Variants in WDFY2 observed in about 807,000 individuals in gnomAD.
The protein encoded by WDFY2 is WD repeat and FYVE domain containing 2.
Under a neutral mutation model 56.4 loss-of-function variants are expected in WDFY2, and 36 were observed. That is an observed-to-expected ratio of 0.64 (90% CI 0.49 to 0.84). The LOEUF is 0.84. Ranked by LOEUF, WDFY2 falls within the 40% of genes least tolerant of loss-of-function variation. The pLI is 0.00. For missense variants in WDFY2, 444 were observed against 512.2 expected (o/e 0.87, Z 1.29); for synonymous variants, 176 against 183.7 (o/e 0.96, Z 0.34).
intron 8 of WDFY2, among the ~76,000 whole-genome samples, chr13:51,753,748 G>GGTGTGTGTGT (rs553968555): frequency 6.6e-6 from 1 of 151,044 alleles, no homozygotes; most frequent in African/African-American, 2.4e-5. Flanking sequence ...CCTTATAAAA[G>GGTGTGTGTGT]GTGTGTGTGT....
intron 4 of WDFY2, among the ~76,000 whole-genome samples, chr13:51,716,444 G>A (rs1209367560): frequency 6.6e-6 from 1 of 152,104 alleles, no homozygotes; most frequent in Non-Finnish European, 1.5e-5. Context: ...TGTAATCCCA[G>A]CACTTTGGGA....
At chr13:51,733,557 A>C (rs1049805791) in intron 6 of WDFY2, among the ~76,000 whole-genome samples, 3 of 152,206 alleles carry the variant, frequency 2.0e-5, no homozygotes, top group African/African-American at 7.2e-5. Flanking sequence ...TTTGCATTTT[A>C]ATAAGCCACT....
intron 7 of WDFY2, among the ~76,000 whole-genome samples, chr13:51,744,348 C>T (rs778317516): frequency 3.3e-5 from 5 of 152,214 alleles, no homozygotes; most frequent in African/African-American, 7.2e-5. Flanking sequence ...TAGCTTGTGT[C>T]TGAGATCTGT....
chr13:51,685,592 T>C (rs1250158957), intron 3 of WDFY2, among the ~76,000 whole-genome samples: 1 of 152,150 alleles, frequency 6.6e-6, no homozygotes, highest in African/African-American at 2.4e-5. Flanking sequence ...ATGTTTTCAT[T>C]AGATGGAAGT....
At chr13:51,645,862 C>T (rs1301894387) in intron 1 of WDFY2, among the ~76,000 whole-genome samples, 1 of 152,146 alleles carries the variant, frequency 6.6e-6, no homozygotes, top group Non-Finnish European at 1.5e-5. Flanking sequence ...CCAGGTCTTA[C>T]CCCTGAACTT....
intron 1 of WDFY2, among the ~76,000 whole-genome samples, chr13:51,605,377 T>C (rs1954367714): frequency 6.6e-6 from 1 of 152,170 alleles, no homozygotes; most frequent in African/African-American, 2.4e-5. Flanking sequence ...AGAAATAGAA[T>C]TTATCTCAAA....
intron 3 of WDFY2, among the ~76,000 whole-genome samples, chr13:51,690,470 T>C (rs1956134001): frequency 6.6e-6 from 1 of 151,780 alleles, no homozygotes; most frequent in Non-Finnish European, 1.5e-5. Flanking sequence ...CTTGTGATAG[T>C]TTACTGAGAA....
intron 7 of WDFY2, among the ~76,000 whole-genome samples, chr13:51,743,522 T>C (rs902081810): frequency 1.3e-5 from 2 of 152,244 alleles, no homozygotes; most frequent in Admixed American, 6.5e-5. Context: ...AAGATTACTC[T>C]TGTTAATAAA....
At chr13:51,713,020 G>A (rs1386853152) in intron 4 of WDFY2, among the ~76,000 whole-genome samples, 1 of 152,138 alleles carries the variant, frequency 6.6e-6, no homozygotes, top group Admixed American at 6.5e-5. Context: ...AGGCCCACAT[G>A]CCTTTACTGG....
intron 3 of WDFY2, among the ~76,000 whole-genome samples, chr13:51,696,897 A>G (rs1453519612): frequency 6.6e-6 from 1 of 152,224 alleles, no homozygotes; most frequent in Non-Finnish European, 1.5e-5. Flanking sequence ...CAGTTTTTTA[A>G]AAGCAACAAA....
chr13:51,614,048 TGGTGGTGGGCG>T (rs1203045058), intron 1 of WDFY2, among the ~76,000 whole-genome samples: 3 of 151,716 alleles, frequency 2.0e-5, no homozygotes, highest in Non-Finnish European at 4.4e-5. Flanking sequence ...TAGCTGGGCC[TGGTGGTGGGCG>T]CCTGTAATCC....
rs140961353 is a variant in WDFY2, at chr13:51,617,073, C to T, written c.137+32249C>T. Among the ~76,000 whole-genome samples the T allele has an allele frequency of 1.9e-3, 287 of 152,282 alleles. 2 individuals carry two copies. The highest frequency in any genetic ancestry group is 6.5e-3 in the African/African-American group (271 of 41,570). ...TCTTAAATTTTTTGAAAATCTCCCC[C>T]ACCTCTCAAACATGTTTATTCCAAT... On this transcript the variant is annotated intron_variant, in intron 1 of 11. Coordinates refer to ENST00000298125, the MANE Select transcript of WDFY2 (RefSeq NM_052950.4).
chr13:51,703,834 C>T (rs1480591690), intron 4 of WDFY2, among the ~76,000 whole-genome samples, 184 bp downstream of exon 4: 2 of 152,070 alleles, frequency 1.3e-5, no homozygotes, highest in Non-Finnish European at 2.9e-5. Flanking sequence ...GGGTGGCTTG[C>T]CTGGGGTTCT....
At chr13:51,710,317 C>T (rs1952182761) in intron 4 of WDFY2, among the ~76,000 whole-genome samples, 1 of 152,012 alleles carries the variant, frequency 6.6e-6, no homozygotes, top group Non-Finnish European at 1.5e-5. Context: ...TATGACAAAC[C>T]CACAGCCAAT....
chr13:51,649,022 G>A (rs538614666), intron 1 of WDFY2, among the ~76,000 whole-genome samples: 6 of 152,260 alleles, frequency 3.9e-5, no homozygotes, highest in South Asian at 4.1e-4. Context: ...TGGCATGCAC[G>A]TGTAATCCCA....
intron 1 of WDFY2, among the ~76,000 whole-genome samples, chr13:51,660,279 C>T (rs1411838883): frequency 6.6e-6 from 1 of 151,910 alleles, no homozygotes; most frequent in East Asian, 1.9e-4. Context: ...TCACTGCAAC[C>T]TCTGCCTCTG....
Position 51,755,420 on chromosome 13 carries a change from C to G in WDFY2, c.894C>G (p.Phe298Leu). The change falls in exon 9 of 12, where the codon TTC (phenylalanine) becomes TTG (leucine). Residue 298 changes from phenylalanine (F) to leucine (L), a missense_variant. Coordinates refer to ENST00000298125, the MANE Select transcript of WDFY2 (RefSeq NM_052950.4). Reference sequence around the variant, plus strand: ...GTGATCAGCCTTTCTTCTGGAACTTCAAGCAAATGTGGGACAGTAAGAAAA... The same window carrying G: ...GTGATCAGCCTTTCTTCTGGAACTTGAAGCAAATGTGGGACAGTAAGAAAA... ...QKCDQPFFWNFKQMWDSKKIG... is the reference protein window; with the variant it reads ...QKCDQPFFWNLKQMWDSKKIG... 1 of 1,614,154 alleles carries G rather than the reference C, an allele frequency of 6.2e-7. No individual in the cohort carries two copies. Among genetic ancestry groups the G allele is most frequent in the Non-Finnish European group, 8.5e-7 (1 of 1,180,036 alleles).
intron 1 of WDFY2, among the ~76,000 whole-genome samples, chr13:51,651,015 T>C (rs544369741): frequency 6.6e-6 from 1 of 152,344 alleles, no homozygotes; most frequent in East Asian, 1.9e-4. Context: ...GTACCTCTGG[T>C]AGAATTCGGC....
intron 1 of WDFY2, among the ~76,000 whole-genome samples, chr13:51,651,392 C>T (rs566795695): frequency 2.4e-4 from 37 of 152,114 alleles, no homozygotes; most frequent in Admixed American, 5.2e-4. Flanking sequence ...TTTTTTGAAG[C>T]ATTTTTTTGT....
Sources: gnomAD v4.1 joint callset for allele counts (sites outside exome capture counted in the v4.1 genomes callset) on GRCh38, gnomAD v4.1.1 for gene constraint, MANE v1.5 for transcripts, NCBI Gene and HGNC (gene_info 2026-07-23, HGNC 2026-07-21) for gene names.